COG8: variants seen among roughly 807,000 people sequenced by gnomAD.
The protein encoded by COG8 is component of oligomeric golgi complex 8.
A neutral mutation model predicts 46.5 loss-of-function variants in COG8; 45 were observed. The observed-to-expected ratio is 0.97, with a 90% confidence interval of 0.76 to 1.24. The LOEUF is 1.24. Ranked by LOEUF, COG8 falls within the 50% of genes most tolerant of loss-of-function variation. The pLI is 0.00. For synonymous variants in COG8, 407 were observed against 347.8 expected (o/e 1.17, Z -1.90); for missense variants, 793 against 820.8 (o/e 0.97, Z 0.41).
chr16:69,329,013 A>G lies in COG8; in HGVS notation c.*193T>C. 2.5e-6 allele frequency: 4 copies of G among 1,602,690 alleles called. No homozygotes were observed. Among genetic ancestry groups the G allele is most frequent in the South Asian group, 1.1e-5 (1 of 89,318 alleles). ...GGTATCCGGAATCCTCAGCCCCAGT[A>G]GCAAAGCTTTAGTCATTCACCTTCA... On this transcript the variant is annotated 3_prime_UTR_variant, in exon 6 of 6. Transcript: ENST00000306875.
chr16:69,334,600 G>A lies in COG8; in HGVS notation c.1334C>T (p.Ala445Val), dbSNP rs1482733741. ...LACFLNNILV[A>V]FNDLRLCCPV... ...GCAGCAGAGGCGCAGATCATTGAAGGCAACCAGAATATTGTTGAGAAAGCA... is the reference window on the plus strand; with the variant it reads ...GCAGCAGAGGCGCAGATCATTGAAGACAACCAGAATATTGTTGAGAAAGCA... Residue 445 changes from alanine to valine, a missense_variant, in exon 3 of 6, where the codon GCC becomes GTC. By Grantham distance (64) the Ala-to-Val change is moderately conservative. Transcript: ENST00000306875. 5 of 1,614,098 alleles carry A rather than the reference G, an allele frequency of 3.1e-6. No homozygotes were observed. The highest frequency in any genetic ancestry group is 4.2e-6 in the Non-Finnish European group (5 of 1,180,058).
In COG8 at chr16:69,332,854, C is replaced by G. The variant is rs1387014270; in HGVS notation, c.1442G>C (p.Arg481Pro). 6.2e-7 allele frequency: 1 copy of G among 1,614,058 alleles called. No homozygotes were observed. Among genetic ancestry groups the G allele is most frequent in the African/African-American group, 1.3e-5 (1 of 74,914 alleles). The change falls in exon 4 of 6, where the codon CGC (arginine) becomes CCC (proline). Residue 481 changes from arginine to proline, a missense_variant. Transcript: ENST00000306875. ...GCTGCTGAAGGCAGCCTCTTCAGCG[C>G]GATGGAAGGCCAGGATTATTTTAGT... Reference protein sequence around the residue: ...KVTKIILAFHRAEEAAFSSGE... With the variant: ...KVTKIILAFHPAEEAAFSSGE...
Position 69,330,875 on chromosome 16 carries a change from C to T in COG8, c.1803G>A (p.Ala601=). 1.9e-6 allele frequency: 3 copies of T among 1,546,042 alleles called. No homozygotes were observed. Among genetic ancestry groups the T allele is most frequent in the African/African-American group, 2.7e-5 (2 of 73,082 alleles). ...AGPACPEGGR[A]ETQAEPPSVG... ...CGCTGGGCGGTTCGGCCTGCGTCTCCGCTCGCCCTCCCTCCGGGCAGGCTG... is the reference window on the plus strand; with the variant it reads ...CGCTGGGCGGTTCGGCCTGCGTCTCTGCTCGCCCTCCCTCCGGGCAGGCTG... The change falls in exon 5 of 6, where the codon GCG becomes GCA. Residue 601 remains alanine (A), a synonymous_variant. Transcript: ENST00000306875.
rs1301362373 is a variant in COG8 at position 69,328,346 on chromosome 16, G to A, written c.*860C>T. On this transcript the variant is annotated 3_prime_UTR_variant, in exon 6 of 6. Transcript: ENST00000306875. ...CTAATCCTGCTTTCTATGCCCAATT[G>A]TTAACAGGAAAGGGCTCAGTGCACT... The A allele has an allele frequency of 6.6e-6, 1 of 152,204 alleles. No homozygotes were observed. The highest frequency in any genetic ancestry group is 1.5e-5 in the Non-Finnish European group (1 of 68,074). The allele number at this position is 152,204 out of a possible 1,614,324, so 9.4% of individuals were successfully genotyped here.
In COG8 at chr16:69,334,967, C is replaced by T; in HGVS notation, c.967G>A (p.Val323Ile). The change falls in exon 3 of 6, where the codon GTC becomes ATC. Residue 323 changes from valine to isoleucine, a missense_variant. Coordinates refer to ENST00000306875, the MANE Select transcript of COG8 (RefSeq NM_032382.5). ...AIFHGWVLQK[V>I]SQFLQVLETD... ...TCCAGCACCTGCAGGAATTGTGAGA[C>T]CTTCTGTAGCACCCAGCCATGGAAG... is the stretch of plus-strand genomic sequence containing the variant. The T allele has an allele frequency of 1.9e-6, 3 of 1,614,172 alleles. No individual in the cohort carries two copies. In the East Asian group the frequency reaches 6.7e-5, roughly 36 times the overall value.
chr16:69,330,055 G>A (rs1422140195), intron 5 of COG8: 3 of 1,553,816 alleles, frequency 1.9e-6, no homozygotes, highest in African/African-American at 2.8e-5. Flanking sequence ...CGACGCTCTC[G>A]CAGCCCTCGG....
In COG8 at chr16:69,328,831, C is replaced by T; in HGVS notation, c.*375G>A. ...ATTTTTCTCCTCAAGTTGTAGCCAA[C>T]ATTTTGTCCGTAACTGATTTCAGGG... On this transcript the variant is annotated 3_prime_UTR_variant, in exon 6 of 6. Coordinates refer to ENST00000306875, the MANE Select transcript of COG8 (RefSeq NM_032382.5). 1.4e-6 allele frequency: 1 copy of T among 721,002 alleles called. No homozygotes were observed. Among genetic ancestry groups the T allele is most frequent in the Non-Finnish European group, 2.2e-6 (1 of 456,402 alleles). The allele number at this position is 721,002 out of a possible 1,614,324, so 44.7% of individuals were successfully genotyped here. A position where few individuals can be genotyped will look rare whatever the true frequency, so the allele number is the denominator to read the frequency against.
In COG8 at chr16:69,333,002, G is replaced by C. The variant is rs992961527; in HGVS notation, c.1414-120C>G. The C allele has an allele frequency of 1.0e-5, 9 of 883,906 alleles. No individual in the cohort carries two copies. In the African/African-American group the frequency reaches 1.5e-4, roughly 15 times the overall value. The allele number at this position is 883,906 out of a possible 1,614,324, so 54.8% of individuals were successfully genotyped here. A position where few individuals can be genotyped will look rare whatever the true frequency, so the allele number is the denominator to read the frequency against. On this transcript the variant is annotated intron_variant, in intron 3 of 5. Transcript: ENST00000306875. The stretch of plus-strand genomic sequence containing the variant: ...TTTTCCTGAACAAAGTAATTTAACA[G>C]TACATTATTTTACTGTCTCATTTAA...
chr16:69,328,223 G>A lies in COG8; in HGVS notation c.*983C>T, dbSNP rs968587686. The A allele has an allele frequency of 6.6e-6, 1 of 151,366 alleles. No individual in the cohort carries two copies. Among genetic ancestry groups the A allele is most frequent in the African/African-American group, 2.4e-5 (1 of 41,308 alleles). 9.4% of individuals were successfully genotyped at this position (151,366 alleles called of 1,614,324 possible). On this transcript the variant is annotated 3_prime_UTR_variant, in exon 6 of 6. Coordinates refer to ENST00000306875, the MANE Select transcript of COG8 (RefSeq NM_032382.5). ...GCCCTCCCAAAGTGCTGGGATTACA[G>A]GCGTGAACCACTGCACCTGGCCACT...
At chr16:69,333,311 C>T (rs922601296) in intron 3 of COG8, among the ~76,000 whole-genome samples, 43 of 152,112 alleles carry the variant, frequency 2.8e-4, no homozygotes, top group African/African-American at 9.9e-4. Context: ...GGACTACAGG[C>T]GTGCACCATC....
intron 4 of COG8, among the ~76,000 whole-genome samples, chr16:69,332,227 G>A (rs1252311498): frequency 2.6e-5 from 4 of 152,158 alleles, no homozygotes; most frequent in Admixed American, 6.5e-5. Context: ...GTGCGAGTCT[G>A]TAGTCCCAGC....
Sources: allele counts gnomAD v4.1 joint callset (sites outside exome capture counted in the v4.1 genomes callset), GRCh38; gene constraint gnomAD v4.1.1; transcripts MANE v1.5; gene names NCBI Gene and HGNC (gene_info 2026-07-23, HGNC 2026-07-21).